Variants in FBXO33 observed in about 807,000 individuals in gnomAD.
The protein encoded by FBXO33 is F-box protein 33.
FBXO33 carries 22 observed loss-of-function variants against 46.3 expected under a neutral mutation model. The ratio of observed to expected loss-of-function variants is 0.48; its 90% CI spans 0.34 to 0.68. FBXO33 has a LOEUF of 0.68. Ranked by LOEUF, FBXO33 falls within the 30% of genes least tolerant of loss-of-function variation. The pLI is 0.01. For missense variants in FBXO33, 692 were observed against 708.8 expected (o/e 0.98, Z 0.27); for synonymous variants, 337 against 291.3 (o/e 1.16, Z -1.60).
intron 1 of FBXO33, among the ~76,000 whole-genome samples, chr14:39,430,556 A>G (rs1275083524): frequency 6.6e-6 from 1 of 152,164 alleles, no homozygotes; most frequent in African/African-American, 2.4e-5. Context: ...TCCTTTCTGT[A>G]AAACAGGGTT....
Position 39,431,593 on chromosome 14 carries a change from A to C in FBXO33, c.570T>G (p.Leu190=). The change falls in exon 1 of 4, where the codon CTT becomes CTG. Residue 190 remains leucine (L), a synonymous_variant. Transcript: ENST00000298097. ...EVLRTYLELV[L]CVLVSIRNNR... is the part of the protein sequence containing the mutation. ...TGTTCCGGATGCTGACCAGCACGCA[A>C]AGCACCAGCTCCAAGTAGGTGCGCA... The C allele has an allele frequency of 6.2e-7, 1 of 1,613,218 alleles. No individual in the cohort carries two copies.
intron 1 of FBXO33, among the ~76,000 whole-genome samples, chr14:39,417,855 T>C (rs2075456785): frequency 6.6e-6 from 1 of 152,066 alleles, no homozygotes; most frequent in East Asian, 1.9e-4. Flanking sequence ...GATGTTTCTA[T>C]GGGAGAGCAA....
At position 39,432,120 on chromosome 14, in the gene FBXO33, C is replaced by T; in HGVS notation, c.43G>A (p.Ala15Thr). The T allele has an allele frequency of 2.4e-6, 3 of 1,244,554 alleles. No homozygotes were observed. Among genetic ancestry groups the T allele is most frequent in the Non-Finnish European group, 3.0e-6 (3 of 997,432 alleles). 77.1% of individuals were successfully genotyped at this position (1,244,554 alleles called of 1,614,324 possible). ...CGGGCGGCCCCGGCTCGGGTTCGAG[C>T]TCCCGGCGGTCGGGGCTGCGGCACT... Reference protein sequence around the residue: ...LSVPQPRPPGARTRAGAARVA... With the variant: ...LSVPQPRPPGTRTRAGAARVA... Residue 15 changes from alanine to threonine, a missense_variant, in exon 1 of 4, where the codon GCT becomes ACT. Transcript: ENST00000298097.
chr14:39,430,595 A>G (rs563237090), intron 1 of FBXO33, among the ~76,000 whole-genome samples: 13 of 152,254 alleles, frequency 8.5e-5, no homozygotes, highest in African/African-American at 2.9e-4. Context: ...TCATAGTGCC[A>G]CTGAGAGGCT....
In FBXO33 at chr14:39,401,483, C is replaced by G. The variant is rs749313472; in HGVS notation, c.1089G>C (p.Leu363=). ...NMPNDEHWKA[L]SRKSTSFRVY... ...CCCGAAAGCTGGTGCTCTTTCGTGACAGGGCTTTCCAATGCTCATCATTTG... is the reference window on the plus strand; with the variant it reads ...CCCGAAAGCTGGTGCTCTTTCGTGAGAGGGCTTTCCAATGCTCATCATTTG... The change falls in exon 3 of 4, where the codon CTG becomes CTC. Residue 363 remains leucine, a synonymous_variant. Transcript: ENST00000298097. The G allele has an allele frequency of 2.5e-6, 4 of 1,614,064 alleles. No homozygotes were observed. The highest frequency in any genetic ancestry group is 3.4e-6 in the Non-Finnish European group (4 of 1,180,054).
intron 1 of FBXO33, among the ~76,000 whole-genome samples, chr14:39,410,635 T>A (rs911849587): frequency 1.1e-4 from 16 of 152,248 alleles, no homozygotes; most frequent in African/African-American, 3.9e-4. Context: ...AGAATTCACC[T>A]GTGAAGCCAT....
At chr14:39,400,151 G>A (rs1379239930) in intron 3 of FBXO33, among the ~76,000 whole-genome samples, 1 of 152,144 alleles carries the variant, frequency 6.6e-6, no homozygotes, top group Non-Finnish European at 1.5e-5. Flanking sequence ...GTTCATATAT[G>A]CATGTATCTG....
intron 1 of FBXO33, among the ~76,000 whole-genome samples, chr14:39,430,250 T>A (rs979025547): frequency 6.6e-6 from 1 of 152,200 alleles, no homozygotes; most frequent in African/African-American, 2.4e-5. Context: ...GGAAATAGAA[T>A]GTCTTGCGAA....
At chr14:39,430,534 A>AAAGGGTCAGTTTCCT (rs1226892017) in intron 1 of FBXO33, among the ~76,000 whole-genome samples, 7 of 152,132 alleles carry the variant, frequency 4.6e-5, no homozygotes, top group African/African-American at 1.4e-4. Context: ...TTGATCCTAT[A>AAAGGGTCAGTTTCCT]AAGGGTCAGT....
intron 1 of FBXO33, among the ~76,000 whole-genome samples, chr14:39,413,303 T>A (rs1050826212): frequency 6.6e-6 from 1 of 152,234 alleles, no homozygotes; most frequent in Non-Finnish European, 1.5e-5. Flanking sequence ...TTCTCATGCA[T>A]TCCAGTTTTA....
At chr14:39,406,348 G>A (rs1386724058) in intron 1 of FBXO33, among the ~76,000 whole-genome samples, 1 of 151,944 alleles carries the variant, frequency 6.6e-6, no homozygotes. Context: ...TTTATTTGGT[G>A]GTATTAAAAT....
Position 39,408,535 on chromosome 14 carries a change from CAG to C in FBXO33, c.600-6026_600-6025del, listed in dbSNP as rs202011511. On this transcript the variant is annotated intron_variant, in intron 1 of 3. Coordinates refer to ENST00000298097, the MANE Select transcript of FBXO33 (RefSeq NM_203301.4). The stretch of plus-strand genomic sequence containing the variant: ...TCCATTTCTCTTTGTTTTTTGGACA[CAG>C]AGTCTCACTCTGTGGTCCAGGCTGG... Among the ~76,000 whole-genome samples, 1,219 of 152,068 alleles carry C rather than the reference CAG, an allele frequency of 8.0e-3. 16 individuals are homozygous for C. The highest frequency in any genetic ancestry group is 0.027 in the African/African-American group (1,121 of 41,500).
At chr14:39,403,949 G>A (rs1220504534) in intron 1 of FBXO33, among the ~76,000 whole-genome samples, 1 of 151,806 alleles carries the variant, frequency 6.6e-6, no homozygotes, top group East Asian at 1.9e-4. Flanking sequence ...CCACAGGCAT[G>A]TGCCACCATA....
intron 1 of FBXO33, among the ~76,000 whole-genome samples, chr14:39,415,759 T>A (rs1422411418): frequency 1.3e-5 from 2 of 151,302 alleles, no homozygotes; most frequent in South Asian, 4.2e-4. Context: ...CTCTGCCTCC[T>A]AGGTTCAAGT....
At chr14:39,421,549 A>G (rs1184931795) in intron 1 of FBXO33, among the ~76,000 whole-genome samples, 2 of 152,164 alleles carry the variant, frequency 1.3e-5, no homozygotes, top group African/African-American at 4.8e-5. Context: ...AGTTTATACG[A>G]AGCAGAAAAG....
At chr14:39,409,201 A>G (rs1232371120) in intron 1 of FBXO33, among the ~76,000 whole-genome samples, 1 of 152,136 alleles carries the variant, frequency 6.6e-6, no homozygotes, top group Non-Finnish European at 1.5e-5. Context: ...GTTTTCTGTG[A>G]GAAGTTTTAC....
At chr14:39,415,933 C>A (rs1182465775) in intron 1 of FBXO33, among the ~76,000 whole-genome samples, 2 of 152,218 alleles carry the variant, frequency 1.3e-5, no homozygotes, top group Admixed American at 6.5e-5. Flanking sequence ...TCCCAAAGTG[C>A]TGGAATTACA....
intron 2 of FBXO33, among the ~76,000 whole-genome samples, chr14:39,402,116 C>T (rs532418247): frequency 5.9e-5 from 9 of 152,042 alleles, no homozygotes; most frequent in East Asian, 1.9e-4. Flanking sequence ...CACTTATACC[C>T]GTTTAGTAGA....
chr14:39,431,207 C>T (rs2139425059), intron 1 of FBXO33, among the ~76,000 whole-genome samples: 1 of 152,228 alleles, frequency 6.6e-6, no homozygotes, highest in East Asian at 1.9e-4. Flanking sequence ...TTGTTTCTTC[C>T]AAGGCTCACC....
Sources: allele counts gnomAD v4.1 joint callset (sites outside exome capture counted in the v4.1 genomes callset), GRCh38; gene constraint gnomAD v4.1.1; transcripts MANE v1.5; gene names NCBI Gene and HGNC (gene_info 2026-07-23, HGNC 2026-07-21).